Variants in CBLN2 observed in about 807,000 individuals in gnomAD.
CBLN2 encodes cerebellin 2 precursor.
In CBLN2, 7 loss-of-function variants were observed where a neutral mutation model predicts 15.0. The ratio of observed to expected loss-of-function variants is 0.47; its 90% CI spans 0.27 to 0.88. The LOEUF (loss-of-function observed/expected upper bound fraction) is 0.88, where lower values mean the gene tolerates loss of function less well. Ranked by LOEUF, CBLN2 falls within the 40% of genes least tolerant of loss-of-function variation. The pLI, the probability that CBLN2 is intolerant of heterozygous loss-of-function variation, is 0.14. For missense variants in CBLN2, 242 were observed against 304.5 expected (o/e 0.79, Z 1.53); for synonymous variants, 149 against 135.2 (o/e 1.10, Z -0.71).
chr18:72,594,423 T>C (rs901035019), intron 1 of CBLN2, among the ~76,000 whole-genome samples: 10 of 152,132 alleles, frequency 6.6e-5, no homozygotes, highest in African/African-American at 2.4e-4. Flanking sequence ...ATGTTCATCA[T>C]GGATATTGTC....
intron 1 of CBLN2, among the ~76,000 whole-genome samples, chr18:72,590,107 T>G (rs2144929162): frequency 6.6e-6 from 1 of 152,112 alleles, no homozygotes; most frequent in Non-Finnish European, 1.5e-5. Context: ...CTCTATTAAA[T>G]ACAAAAAATT....
Position 72,542,166 on chromosome 18 carries a change from C to A in CBLN2, c.-6G>T, listed in dbSNP as rs887099581. 4.0e-6 allele frequency: 5 copies of A among 1,251,710 alleles called. No homozygotes were observed. Among genetic ancestry groups the A allele is most frequent in the Admixed American group, 4.3e-5 (1 of 23,240 alleles). 77.5% of individuals were successfully genotyped at this position (1,251,710 alleles called of 1,614,324 possible). On this transcript the variant is annotated 5_prime_UTR_variant, in exon 3 of 5. Coordinates refer to ENST00000269503, the MANE Select transcript of CBLN2 (RefSeq NM_182511.4). Reference sequence around the variant, plus strand: ...CCCCGGCCGGGCGCCTGCATCGGGACTGGTGGGAGGCGGCGCGCGGGGGTG... The same window carrying A: ...CCCCGGCCGGGCGCCTGCATCGGGAATGGTGGGAGGCGGCGCGCGGGGGTG...
intron 1 of CBLN2, among the ~76,000 whole-genome samples, chr18:72,621,773 G>A (rs1226300381): frequency 2.6e-5 from 4 of 152,148 alleles, no homozygotes; most frequent in Non-Finnish European, 4.4e-5. Flanking sequence ...CTGCAAAATA[G>A]GACTATGTCA....
chr18:72,606,633 A>G (rs1433306475), intron 1 of CBLN2, among the ~76,000 whole-genome samples: 1 of 152,228 alleles, frequency 6.6e-6, no homozygotes, highest in African/African-American at 2.4e-5. Flanking sequence ...AGTGGTTACT[A>G]ATAACTTCTT....
intron 1 of CBLN2, among the ~76,000 whole-genome samples, chr18:72,601,489 C>G (rs558149965): frequency 1.3e-5 from 2 of 152,250 alleles, no homozygotes; most frequent in African/African-American, 4.8e-5. Context: ...GCAGGCGTCT[C>G]CATGCAGAGG....
intron 1 of CBLN2, among the ~76,000 whole-genome samples, chr18:72,634,988 C>G (rs2069802843): frequency 1.3e-5 from 2 of 152,080 alleles, no homozygotes; most frequent in Non-Finnish European, 1.5e-5. Context: ...TCCCCCATTT[C>G]TTCCATGGCT....
At chr18:72,604,701 C>T (rs931278457) in intron 1 of CBLN2, among the ~76,000 whole-genome samples, 1 of 152,140 alleles carries the variant, frequency 6.6e-6, no homozygotes, top group African/African-American at 2.4e-5. Flanking sequence ...GGACTGGTGG[C>T]TTTATAAGAA....
intron 3 of CBLN2, chr18:72,540,366 T>C (rs1319608802): frequency 6.6e-6 from 1 of 152,132 alleles, no homozygotes; most frequent in Non-Finnish European, 1.5e-5. Flanking sequence ...CAGAGAAAGG[T>C]TGAACGCACC....
chr18:72,599,338 C>T (rs1402405697), intron 1 of CBLN2, among the ~76,000 whole-genome samples: 1 of 152,084 alleles, frequency 6.6e-6, no homozygotes, highest in Non-Finnish European at 1.5e-5. Flanking sequence ...TAAAACTTTT[C>T]AACAGAATAA....
chr18:72,576,511 G>C (rs1396294078), intron 1 of CBLN2, among the ~76,000 whole-genome samples: 1 of 152,066 alleles, frequency 6.6e-6, no homozygotes, highest in Non-Finnish European at 1.5e-5. Flanking sequence ...GAAATGAAAA[G>C]GTAGTGATTT....
chr18:72,575,049 C>T (rs1414415888), intron 1 of CBLN2, among the ~76,000 whole-genome samples: 2 of 152,082 alleles, frequency 1.3e-5, no homozygotes, highest in African/African-American at 2.4e-5. Context: ...GAGGGTTAAA[C>T]GAAGTAGTTA....
rs142294068 is a variant in CBLN2, at chr18:72,553,013, T to C, written c.16-14241A>G. Among the ~76,000 whole-genome samples the C allele has an allele frequency of 4.6e-5, 7 of 152,324 alleles. No individual in the cohort carries two copies. The East Asian group carries it at 1.4e-3, about 29-fold the overall frequency. ...CCACATGGATGCCTTACTTTGGAAA[T>C]ATTTGTTTAAATGACATAAAATTAT... On this transcript the variant is annotated intron_variant, in intron 1 of 2. Coordinates refer to the CBLN2 transcript ENST00000581073.
At chr18:72,582,884 C>T (rs1364249247) in intron 1 of CBLN2, among the ~76,000 whole-genome samples, 1 of 152,208 alleles carries the variant, frequency 6.6e-6, no homozygotes, top group Admixed American at 6.5e-5. Context: ...TTTAGACCTA[C>T]ATCTTATGTT....
intron 1 of CBLN2, among the ~76,000 whole-genome samples, chr18:72,621,845 T>C (rs1481088816): frequency 2.0e-5 from 3 of 152,090 alleles, no homozygotes; most frequent in Admixed American, 6.6e-5. Flanking sequence ...ACCAGTGGAG[T>C]GAGCCAAGGT....
chr18:72,551,671 A>T (rs1336364337), intron 1 of CBLN2, among the ~76,000 whole-genome samples: 1 of 152,214 alleles, frequency 6.6e-6, no homozygotes, highest in African/African-American at 2.4e-5. Flanking sequence ...AAATAAGTCA[A>T]AAAGTACCCA....
At chr18:72,581,465 G>A (rs562957569) in intron 1 of CBLN2, among the ~76,000 whole-genome samples, 1 of 151,992 alleles carries the variant, frequency 6.6e-6, no homozygotes, top group Non-Finnish European at 1.5e-5. Flanking sequence ...GTATTTCCTT[G>A]GTTACTGATA....
chr18:72,598,936 C>A, intron 1 of CBLN2, among the ~76,000 whole-genome samples: 1 of 152,262 alleles, frequency 6.6e-6, no homozygotes, highest in Middle Eastern at 3.4e-3. Flanking sequence ...AATGAGAGAA[C>A]GGTGTTGTAG....
intron 1 of CBLN2, among the ~76,000 whole-genome samples, chr18:72,608,978 G>A (rs1464383805): frequency 6.6e-6 from 1 of 152,088 alleles, no homozygotes; most frequent in Non-Finnish European, 1.5e-5. Context: ...AGAACAATAT[G>A]GGAGAATCCA....
Position 72,542,105 on chromosome 18 carries a change from C to T in CBLN2, c.56G>A (p.Arg19Gln). ...GCCGCCCGGCTCGCGCAGCGCCCCCCGGCGCCCGGGCATCATCAGCCGCAG... is the reference window on the plus strand; with the variant it reads ...GCCGCCCGGCTCGCGCAGCGCCCCCTGGCGCCCGGGCATCATCAGCCGCAG... The part of the protein sequence containing the change: ...LGLRLMMPGR[R>Q]GALREPGGCG... The change falls in exon 3 of 5, where the codon CGG (arginine) becomes CAG (glutamine). Residue 19 changes from arginine (R) to glutamine (Q), a missense_variant. Physicochemically the swap from Arg to Gln is conservative, Grantham distance 43. Coordinates refer to ENST00000269503, the MANE Select transcript of CBLN2 (RefSeq NM_182511.4). The T allele has an allele frequency of 6.9e-7, 1 of 1,459,748 alleles. No homozygotes were observed. The highest frequency in any genetic ancestry group is 9.0e-7 in the Non-Finnish European group (1 of 1,116,262). The allele number at this position is 1,459,748 out of a possible 1,614,324, so 90.4% of individuals were successfully genotyped here.
Sources: gnomAD v4.1 joint callset for allele counts (sites outside exome capture counted in the v4.1 genomes callset) on GRCh38, gnomAD v4.1.1 for gene constraint, MANE v1.5 for transcripts, NCBI Gene and HGNC (gene_info 2026-07-23, HGNC 2026-07-21) for gene names.